Variants in CD70 observed in about 807,000 individuals in gnomAD.
The protein encoded by CD70 is CD70 molecule.
In CD70, 6 loss-of-function variants were observed where a neutral mutation model predicts 9.0. The ratio of observed to expected loss-of-function variants is 0.67; its 90% CI spans 0.37 to 1.32. The LOEUF (loss-of-function observed/expected upper bound fraction) is 1.32, where lower values mean the gene tolerates loss of function less well. CD70 is among the 40% of genes most tolerant of loss of function. The pLI, the probability that CD70 is intolerant of heterozygous loss-of-function variation, is 0.02. For synonymous variants in CD70, 108 were observed against 112.3 expected (o/e 0.96, Z 0.24); for missense variants, 235 against 258.7 (o/e 0.91, Z 0.63).
At chr19:6,583,610 G>A, downstream of CD70, 1 of 539,832 alleles carries the variant, frequency 1.9e-6, no homozygotes, top group African/African-American at 2.0e-5. Context: ...CCAGGCTGGA[G>A]TGCAGTGGCA....
Position 6,590,069 on chromosome 19 carries a change from T to G in CD70, c.196+34A>C, listed in dbSNP as rs778236527. 10 of 1,593,220 alleles carry G rather than the reference T, an allele frequency of 6.3e-6. No individual in the cohort carries two copies. The African/African-American group carries it at 1.1e-4, about 17-fold the overall frequency. ...TCCTTCCTTCTCTCTCTGTGCCTCT[T>G]CTTCTCCCCGTCCCTCCACGTCCCC... On this transcript the variant is annotated intron_variant, in intron 2 of 2. Transcript: ENST00000245903. The surrounding 1 kb of genome is among the most constrained non-coding windows in gnomAD (Gnocchi z 5.3).
downstream of CD70, among the ~76,000 whole-genome samples, chr19:6,582,403 C>T (rs1396792882): frequency 6.7e-6 from 1 of 148,446 alleles, no homozygotes; most frequent in African/African-American, 2.5e-5. Flanking sequence ...ATGTGCACAA[C>T]GTGCAGATTT....
At position 6,590,079 on chromosome 19, in the gene CD70, G is replaced by C. The variant is rs373120538; in HGVS notation, c.196+24C>G. 10 of 1,601,790 alleles carry C rather than the reference G, an allele frequency of 6.2e-6. No individual in the cohort carries two copies. Among genetic ancestry groups the C allele is most frequent in the Non-Finnish European group, 8.5e-6 (10 of 1,170,660 alleles). ...TCTCTCTGTGCCTCTTCTTCTCCCC[G>C]TCCCTCCACGTCCCCCGTGTTACCT... On this transcript the variant is annotated intron_variant, in intron 2 of 2. Coordinates refer to ENST00000245903, the MANE Select transcript of CD70 (RefSeq NM_001252.5). This position sits in a 1 kb window ranked among gnomAD's most constrained non-coding sequence, Gnocchi z 5.3.
Position 6,590,206 on chromosome 19 carries a change from A to C in CD70, c.163-70T>G. 1.6e-6 allele frequency: 2 copies of C among 1,266,112 alleles called. No homozygotes were observed. The highest frequency in any genetic ancestry group is 2.3e-6 in the Non-Finnish European group (2 of 862,094). The allele number at this position is 1,266,112 out of a possible 1,614,324, so 78.4% of individuals were successfully genotyped here. ...GGTTCTATGTGTCCCCTGTGCCAGGAGCTCTCTTTTCTCTGTCCATCCTCC... is the reference window on the plus strand; with the variant it reads ...GGTTCTATGTGTCCCCTGTGCCAGGCGCTCTCTTTTCTCTGTCCATCCTCC... On this transcript the variant is annotated intron_variant, in intron 1 of 2. Coordinates refer to ENST00000245903, the MANE Select transcript of CD70 (RefSeq NM_001252.5). The surrounding 1 kb of genome is among the most constrained non-coding windows in gnomAD (Gnocchi z 5.3).
chr19:6,584,698 C>CA (rs34700045), downstream of CD70, among the ~76,000 whole-genome samples: 42,938 of 102,076 alleles, frequency 0.42, 9,611 homozygotes, highest in Non-Finnish European at 0.48. Context: ...GACCTCATCT[C>CA]AAAAAAAAAA....
chr19:6,590,779 T>C lies in CD70; in HGVS notation c.162+62A>G. On this transcript the variant is annotated intron_variant, in intron 1 of 2. Coordinates refer to ENST00000245903, the MANE Select transcript of CD70 (RefSeq NM_001252.5). The surrounding 1 kb of genome is among the most constrained non-coding windows in gnomAD (Gnocchi z 5.3). Reference sequence around the variant, plus strand: ...CTCTGGCCTCTTTGTACCCATCTCATTCTGTCTTTTCGGTCACGCGCCTCT... The same window carrying C: ...CTCTGGCCTCTTTGTACCCATCTCACTCTGTCTTTTCGGTCACGCGCCTCT... 7.1e-7 allele frequency: 1 copy of C among 1,405,828 alleles called. No individual in the cohort carries two copies. The highest frequency in any genetic ancestry group is 1.0e-6 in the Non-Finnish European group (1 of 1,001,648). The allele number at this position is 1,405,828 out of a possible 1,614,324, so 87.1% of individuals were successfully genotyped here. A position where few individuals can be genotyped will look rare whatever the true frequency, so the allele number is the denominator to read the frequency against.
intron 2 of CD70, among the ~76,000 whole-genome samples, chr19:6,589,165 C>T (rs1490373927): frequency 6.6e-6 from 1 of 151,088 alleles, no homozygotes. Flanking sequence ...CTCTTTCTCC[C>T]CCGCCCTGTT....
chr19:6,587,193 GGA>G lies in CD70; in HGVS notation c.197-790_197-789del, dbSNP rs556473991. On this transcript the variant is annotated intron_variant, in intron 2 of 2. Transcript: ENST00000245903. ...GCATGAGAGAGAGAGAGATCATGAG[GGA>G]GAGAGAGCATGAGACAGCGAGAGAG... is the stretch of plus-strand genomic sequence containing the variant. Among the ~76,000 whole-genome samples the G allele has an allele frequency of 5.6e-3, 672 of 119,840 alleles. 7 individuals are homozygous for G. Among genetic ancestry groups the G allele is most frequent in the African/African-American group, 0.02 (636 of 31,598 alleles). 78.6% of individuals were successfully genotyped at this position (119,840 alleles called of 152,430 possible). A position where few individuals can be genotyped will look rare whatever the true frequency, so the allele number is the denominator to read the frequency against.
At position 6,590,868 on chromosome 19, in the gene CD70, C is replaced by T; in HGVS notation, c.135G>A (p.Gln45=). The T allele has an allele frequency of 6.2e-7, 1 of 1,613,968 alleles. No homozygotes were observed. Among genetic ancestry groups the T allele is most frequent in the Non-Finnish European group, 8.5e-7 (1 of 1,179,950 alleles). Residue 45 remains glutamine (Q), a synonymous_variant, in exon 1 of 3, where the codon CAG becomes CAA. Coordinates refer to ENST00000245903, the MANE Select transcript of CD70 (RefSeq NM_001252.5). The surrounding 1 kb of genome is among the most constrained non-coding windows in gnomAD (Gnocchi z 5.3). ...CAAGTGACTCGAGCGGCAGCTGCTGCTGAGCCTGTGCGAAGCGCTGGATGC... is the reference window on the plus strand; with the variant it reads ...CAAGTGACTCGAGCGGCAGCTGCTGTTGAGCCTGTGCGAAGCGCTGGATGC... ...VVCIQRFAQA[Q]QQLPLESLGW...
downstream of CD70, among the ~76,000 whole-genome samples, chr19:6,583,788 G>C (rs1915963997): frequency 1.3e-5 from 1 of 79,382 alleles, no homozygotes; most frequent in Non-Finnish European, 2.5e-5. Flanking sequence ...CTGTGGTCTT[G>C]ATTTTTTTTT....
At chr19:6,584,698 C>CAAAAAA (rs34700045), downstream of CD70, among the ~76,000 whole-genome samples, 1 of 102,288 alleles carries the variant, frequency 9.8e-6, no homozygotes. Context: ...GACCTCATCT[C>CAAAAAA]AAAAAAAAAA....
At chr19:6,587,044 CAGAG>C (rs934367688) in intron 2 of CD70, among the ~76,000 whole-genome samples, 7 of 122,012 alleles carry the variant, frequency 5.7e-5, no homozygotes, top group Admixed American at 5.5e-4. Context: ...GAGAGTGCGA[CAGAG>C]AGCATGAGAG....
At chr19:6,583,745 G>C (rs1417878182), downstream of CD70, among the ~76,000 whole-genome samples, 2 of 149,812 alleles carry the variant, frequency 1.3e-5, no homozygotes, top group African/African-American at 4.9e-5. Context: ...GTTTAGTAGA[G>C]ATGAGGTTTC....
chr19:6,588,844 G>C (rs1568432015), intron 2 of CD70, among the ~76,000 whole-genome samples: 4 of 152,188 alleles, frequency 2.6e-5, no homozygotes, highest in Non-Finnish European at 5.9e-5. Context: ...AGTGATAGTA[G>C]AAGGGAAGCT....
At chr19:6,583,553 CTTTT>C (rs72193958), downstream of CD70, 981 of 401,730 alleles carry the variant, frequency 2.4e-3, no homozygotes, top group South Asian at 3.7e-3. Context: ...TAATTGTAGT[CTTTT>C]TTTTTTTTTT....
chr19:6,583,561 T>G (rs1915959337), downstream of CD70: 1 of 187,878 alleles, frequency 5.3e-6, no homozygotes, highest in Admixed American at 7.6e-5. Flanking sequence ...GTCTTTTTTT[T>G]TTTTTTTTTT....
downstream of CD70, among the ~76,000 whole-genome samples, chr19:6,584,780 C>T (rs1169276719): frequency 2.0e-5 from 3 of 150,856 alleles, no homozygotes; most frequent in Admixed American, 6.6e-5. Flanking sequence ...GTGGGAGGAT[C>T]GCTTGAGCCC....
At position 6,586,217 on chromosome 19, in the gene CD70, C is replaced by A. The variant is rs201090975; in HGVS notation, c.385G>T (p.Ala129Ser). Residue 129 changes from alanine (A) to serine (S), a missense_variant, in exon 3 of 3, where the codon GCC becomes TCC. Ala to Ser is a moderately conservative substitution (Grantham distance 99). Coordinates refer to ENST00000245903, the MANE Select transcript of CD70 (RefSeq NM_001252.5). ...TASRHHPTTL[A>S]VGICSPASRS... ...GAGGCGGGAGAGCAGATTCCCACGG[C>A]CAGGGTGGTGGGGTGGTGCCTGGAG... is the stretch of plus-strand genomic sequence containing the variant. The A allele has an allele frequency of 3.1e-5, 50 of 1,613,980 alleles. No homozygotes were observed. The highest frequency in any genetic ancestry group is 1.1e-4 in the African/African-American group (8 of 74,910).
chr19:6,583,208 G>A (rs1915952300), downstream of CD70: 2 of 568,730 alleles, frequency 3.5e-6, no homozygotes, highest in Admixed American at 5.8e-5. Flanking sequence ...ATTGCCTCGG[G>A]CTTGTGACTC....
Sources: gnomAD v4.1 joint callset for allele counts (sites outside exome capture counted in the v4.1 genomes callset) on GRCh38, gnomAD v4.1.1 for gene constraint, Gnocchi (gnomAD v3.1) non-coding constraint, MANE v1.5 for transcripts, NCBI Gene and HGNC (gene_info 2026-07-23, HGNC 2026-07-21) for gene names.